AGFG1: variants seen among roughly 807,000 people sequenced by gnomAD.
The protein encoded by AGFG1 is arf-GAP domain and FG repeat-containing protein 1.
A neutral mutation model predicts 60.6 loss-of-function variants in AGFG1; 10 were observed. The observed-to-expected ratio is 0.16, with a 90% CI of 0.10 to 0.28. The LOEUF is 0.28. Ranked by LOEUF, AGFG1 falls within the 10% of genes least tolerant of loss-of-function variation. The pLI, the probability that AGFG1 is intolerant of heterozygous loss-of-function variation, is 1.00. For missense variants in AGFG1, 537 were observed against 676.5 expected (o/e 0.79, Z 2.29); for synonymous variants, 247 against 242.9 (o/e 1.02, Z -0.16).
chr2:227,472,330 C>T lies in AGFG1; in HGVS notation c.-92C>T. On this transcript the variant is annotated 5_prime_UTR_variant, in exon 1 of 13. Coordinates refer to ENST00000310078, the MANE Select transcript of AGFG1 (RefSeq NM_004504.5). ...GGCGCGCGCAGACGGAGGGCGGCGG[C>T]CGCGGCCAGGGCGGCCCGTGGGACC... The T allele has an allele frequency of 1.2e-6, 1 of 852,958 alleles. No individual in the cohort carries two copies. Among genetic ancestry groups the T allele is most frequent in the Non-Finnish European group, 1.4e-6 (1 of 710,686 alleles). The allele number at this position is 852,958 out of a possible 1,614,324, so 52.8% of individuals were successfully genotyped here.
rs181930809 is a variant in AGFG1, at chr2:227,534,696, G to C, written c.1025-149G>C. 446 of 769,506 alleles carry C rather than the reference G, an allele frequency of 5.8e-4. 5 individuals carry two copies. In the African/African-American group the frequency reaches 7.0e-3, roughly 12 times the overall value. 47.7% of individuals were successfully genotyped at this position (769,506 alleles called of 1,614,324 possible). A position where few individuals can be genotyped will look rare whatever the true frequency, so the allele number is the denominator to read the frequency against. ...TATAACAACTAATCCTGTCCAGTATGGTCCAGGTTATTTATTAGATTAATG... is the reference window on the plus strand; with the variant it reads ...TATAACAACTAATCCTGTCCAGTATCGTCCAGGTTATTTATTAGATTAATG... On this transcript the variant is annotated intron_variant, in intron 7 of 12. Coordinates refer to ENST00000310078, the MANE Select transcript of AGFG1 (RefSeq NM_004504.5).
intron 1 of AGFG1, among the ~76,000 whole-genome samples, chr2:227,478,460 C>T (rs1394990043): frequency 6.6e-6 from 1 of 152,020 alleles, no homozygotes; most frequent in African/African-American, 2.4e-5. Flanking sequence ...CCTCCGACCT[C>T]AGCTTCCCAG....
At chr2:227,476,899 CTCTCT>C (rs1438256155) in intron 1 of AGFG1, among the ~76,000 whole-genome samples, 8 of 104,338 alleles carry the variant, frequency 7.7e-5, no homozygotes, top group Admixed American at 4.5e-4. Context: ...CTTTCTCTCT[CTCTCT>C]TTTTTTTTTT....
At position 227,484,688 on chromosome 2, in the gene AGFG1, G is replaced by GTTTTTTTTTTTTTTTTT. The variant is rs745570416; in HGVS notation, c.168-6842_168-6826dup. On this transcript the variant is annotated intron_variant, in intron 1 of 12. Coordinates refer to ENST00000310078, the MANE Select transcript of AGFG1 (RefSeq NM_004504.5). ...ATGAAGATCTCTTAGTTTTTTTTTT[G>GTTTTTTTTTTTTTTTTT]TTTTTTTTTTTTTTTTTTTTTTTTT... Among the ~76,000 whole-genome samples the GTTTTTTTTTTTTTTTTT allele has an allele frequency of 9.6e-4, 24 of 25,094 alleles. 1 individual carries two copies. The highest frequency in any genetic ancestry group is 2.0e-3 in the African/African-American group (18 of 8,950). The allele number at this position is 25,094 out of a possible 152,430, so 16.5% of individuals were successfully genotyped here.
chr2:227,540,019 A>G (rs988286437), intron 10 of AGFG1, among the ~76,000 whole-genome samples: 4 of 151,970 alleles, frequency 2.6e-5, no homozygotes, highest in African/African-American at 9.7e-5. Flanking sequence ...TATTTTTAGT[A>G]GAGATGGGGT....
At chr2:227,520,103 A>C in intron 3 of AGFG1, 40 bp downstream of exon 3, 2 of 1,223,582 alleles carry the variant, frequency 1.6e-6, no homozygotes, top group Non-Finnish European at 2.3e-6. Context: ...GCCTCCCCAA[A>C]TCACATATTA....
chr2:227,557,950 A>G lies in AGFG1; in HGVS notation c.*3455A>G, dbSNP rs557099099. 2 of 152,346 alleles carry G rather than the reference A, an allele frequency of 1.3e-5. No homozygotes were observed. The highest frequency in any genetic ancestry group is 2.1e-4 in the South Asian group (1 of 4,828). 9.4% of individuals were successfully genotyped at this position (152,346 alleles called of 1,614,324 possible). ...GTCTCCAGACTCTTTGAGAACCACT[A>G]TACTTTAAATTTGTGTATTTCTAGA... On this transcript the variant is annotated 3_prime_UTR_variant, in exon 13 of 13. Coordinates refer to ENST00000310078, the MANE Select transcript of AGFG1 (RefSeq NM_004504.5).
Position 227,485,861 on chromosome 2 carries a change from T to A in AGFG1, c.168-5686T>A, listed in dbSNP as rs144977616. 2.9e-3 allele frequency among the ~76,000 whole-genome samples: 437 copies of A among 152,370 alleles called. 1 individual carries two copies. Among genetic ancestry groups the A allele is most frequent in the African/African-American group, 0.01 (420 of 41,582 alleles). ...CCTATATACTATATTTCGTAACTGG[T>A]AATTCAGATAGCTAGTCTTGGAGGG... On this transcript the variant is annotated intron_variant, in intron 1 of 12. Coordinates refer to ENST00000310078, the MANE Select transcript of AGFG1 (RefSeq NM_004504.5).
At chr2:227,505,982 T>C (rs1389904132) in intron 2 of AGFG1, among the ~76,000 whole-genome samples, 1 of 152,200 alleles carries the variant, frequency 6.6e-6, no homozygotes, top group African/African-American at 2.4e-5. Flanking sequence ...AATCTCGTGA[T>C]CCACCTGCCT....
At chr2:227,516,239 A>G (rs116510777) in intron 2 of AGFG1, among the ~76,000 whole-genome samples, 8 of 152,316 alleles carry the variant, frequency 5.3e-5, no homozygotes, top group African/African-American at 1.9e-4. Context: ...TTCTACCTAG[A>G]GGGACTGATT....
chr2:227,504,187 A>AGTT (rs1348940048), intron 2 of AGFG1, among the ~76,000 whole-genome samples: 2 of 148,322 alleles, frequency 1.3e-5, no homozygotes, highest in African/African-American at 2.5e-5. Context: ...ACTTGGTGTA[A>AGTT]ATTTTTTTTT....
intron 1 of AGFG1, among the ~76,000 whole-genome samples, chr2:227,489,034 C>T (rs1203351665): frequency 3.9e-5 from 6 of 151,934 alleles, no homozygotes; most frequent in Non-Finnish European, 8.8e-5. Flanking sequence ...AGGCTGATCT[C>T]GAACTCCTGA....
chr2:227,516,098 G>A (rs1691643085), intron 2 of AGFG1, among the ~76,000 whole-genome samples: 1 of 152,172 alleles, frequency 6.6e-6, no homozygotes, highest in Admixed American at 6.5e-5. Context: ...ACAGAGGCAA[G>A]GAAAGATGAA....
chr2:227,542,587 C>T (rs1692523878), intron 10 of AGFG1, among the ~76,000 whole-genome samples: 1 of 152,134 alleles, frequency 6.6e-6, no homozygotes, highest in South Asian at 2.1e-4. Context: ...ATTTTTACAT[C>T]GATGTTCATC....
chr2:227,533,862 G>C (rs1357413171), intron 7 of AGFG1, 104 bp downstream of exon 7: 2 of 1,126,778 alleles, frequency 1.8e-6, no homozygotes, highest in South Asian at 3.2e-5. Flanking sequence ...CTCAGTTGTT[G>C]TATAGAAATT....
intron 1 of AGFG1, among the ~76,000 whole-genome samples, chr2:227,483,309 A>G (rs1690524561): frequency 6.6e-6 from 1 of 152,162 alleles, no homozygotes; most frequent in Non-Finnish European, 1.5e-5. Flanking sequence ...AATTACTCTA[A>G]AAATTGTGGT....
intron 5 of AGFG1, among the ~76,000 whole-genome samples, chr2:227,529,208 T>A (rs7569200): frequency 0.71 from 107,459 of 151,962 alleles, 37,974 homozygotes; most frequent in South Asian, 0.76. Context: ...TTTAGTTAAA[T>A]ACTAGGTCAT....
rs1690112336 is a variant in AGFG1 at position 227,472,289 on chromosome 2, C to T, written c.-133C>T. On this transcript the variant is annotated 5_prime_UTR_variant, in exon 1 of 13. Transcript: ENST00000310078. ...CCCAGTACAGCCAAGCCGCTGCGGCCGGGTCCGGCGCGGGCGGCGCGCGCA... is the reference window on the plus strand; with the variant it reads ...CCCAGTACAGCCAAGCCGCTGCGGCTGGGTCCGGCGCGGGCGGCGCGCGCA... 7 of 460,950 alleles carry T rather than the reference C, an allele frequency of 1.5e-5. No individual in the cohort carries two copies. Among genetic ancestry groups the T allele is most frequent in the Non-Finnish European group, 2.0e-5 (7 of 352,230 alleles). 28.6% of individuals were successfully genotyped at this position (460,950 alleles called of 1,614,324 possible).
chr2:227,496,230 AAAAAC>A (rs1342240329), intron 2 of AGFG1, among the ~76,000 whole-genome samples: 1 of 152,150 alleles, frequency 6.6e-6, no homozygotes, highest in Non-Finnish European at 1.5e-5. Flanking sequence ...ATACTGGATT[AAAAAC>A]AAAACAAAAT....
Sources: allele counts gnomAD v4.1 joint callset (sites outside exome capture counted in the v4.1 genomes callset), GRCh38; gene constraint gnomAD v4.1.1; transcripts MANE v1.5; gene names NCBI Gene and HGNC (gene_info 2026-07-23, HGNC 2026-07-21).